GUCY1A2: variants seen among roughly 807,000 people sequenced by gnomAD.
GUCY1A2 encodes the protein guanylate cyclase 1 soluble subunit alpha 2.
A neutral mutation model predicts 63.5 loss-of-function variants in GUCY1A2; 27 were observed. The ratio of observed to expected loss-of-function variants is 0.43; its 90% CI spans 0.31 to 0.59. The LOEUF (loss-of-function observed/expected upper bound fraction) is 0.59. Among genes scored for constraint, GUCY1A2 ranks in the 20% least tolerant of loss-of-function variants. The pLI, the probability that GUCY1A2 is intolerant of heterozygous loss-of-function variation, is 0.11. For synonymous variants in GUCY1A2, 364 were observed against 343.5 expected (o/e 1.06, Z -0.66); for missense variants, 768 against 913.3 (o/e 0.84, Z 2.05).
chr11:106,702,279 A>G (rs1403482755), intron 7 of GUCY1A2, among the ~76,000 whole-genome samples: 1 of 152,234 alleles, frequency 6.6e-6, no homozygotes, highest in East Asian at 1.9e-4. Flanking sequence ...AGCTTAACCA[A>G]TATTAGATGC....
At chr11:106,755,476 G>C (rs1250093975) in intron 6 of GUCY1A2, among the ~76,000 whole-genome samples, 1 of 151,946 alleles carries the variant, frequency 6.6e-6, no homozygotes, top group African/African-American at 2.4e-5. Context: ...TTTCTCTTGT[G>C]GGTATTTAGT....
At chr11:106,932,315 G>A (rs528915734) in intron 4 of GUCY1A2, among the ~76,000 whole-genome samples, 4 of 152,154 alleles carry the variant, frequency 2.6e-5, no homozygotes, top group Non-Finnish European at 2.9e-5. Flanking sequence ...ATGTAATCAT[G>A]TACAGTGTCC....
chr11:106,814,583 T>G (rs1220887690), intron 4 of GUCY1A2, among the ~76,000 whole-genome samples: 1 of 152,084 alleles, frequency 6.6e-6, no homozygotes, highest in Non-Finnish European at 1.5e-5. Context: ...CCACATGGGC[T>G]GAAAAATCCC....
At chr11:106,919,754 G>T (rs905821932) in intron 4 of GUCY1A2, among the ~76,000 whole-genome samples, 1 of 152,028 alleles carries the variant, frequency 6.6e-6, no homozygotes, top group African/African-American at 2.4e-5. Context: ...ACATATCTGA[G>T]GAAATAAAAG....
intron 4 of GUCY1A2, among the ~76,000 whole-genome samples, chr11:106,918,257 A>T (rs1860394804): frequency 6.9e-6 from 1 of 144,846 alleles, no homozygotes; most frequent in Non-Finnish European, 1.5e-5. Flanking sequence ...CTTGAAAAAA[A>T]ATTGTGGTAA....
At chr11:106,997,807 C>A (rs1158341706) in intron 1 of GUCY1A2, among the ~76,000 whole-genome samples, 4 of 152,168 alleles carry the variant, frequency 2.6e-5, no homozygotes, top group African/African-American at 9.6e-5. Flanking sequence ...GAATCCATGT[C>A]CTGCCTACCT....
chr11:106,973,275 C>T (rs534154058), intron 3 of GUCY1A2, among the ~76,000 whole-genome samples: 3 of 152,140 alleles, frequency 2.0e-5, no homozygotes, highest in South Asian at 2.1e-4. Context: ...AGGCCAGCTA[C>T]GTAGCAAGAT....
chr11:106,767,153 A>G (rs946477392), intron 6 of GUCY1A2, among the ~76,000 whole-genome samples: 1 of 152,118 alleles, frequency 6.6e-6, no homozygotes, highest in Non-Finnish European at 1.5e-5. Context: ...AATACATGAA[A>G]TAGATTATAA....
chr11:106,802,130 G>C (rs776901434), intron 5 of GUCY1A2, among the ~76,000 whole-genome samples: 43 of 152,116 alleles, frequency 2.8e-4, no homozygotes, highest in Non-Finnish European at 3.8e-4. Flanking sequence ...AAAGGTAATA[G>C]AAACACCTCA....
rs766176360 is a variant in GUCY1A2, at chr11:106,681,287, ATCTTCC to A, written c.*6256_*6261del. 8.9e-6 allele frequency: 2 copies of A among 223,904 alleles called. No homozygotes were observed. Among genetic ancestry groups the A allele is most frequent in the Non-Finnish European group, 1.8e-5 (2 of 112,244 alleles). The allele number at this position is 223,904 out of a possible 1,614,324, so 13.9% of individuals were successfully genotyped here. A position where few individuals can be genotyped will look rare whatever the true frequency, so the allele number is the denominator to read the frequency against. ...TGAGCTCTTTTATCTTTACTCTTTCATCTTCCAAGACCATATCAAACCAACATTTGA... is the reference window on the plus strand; with the variant it reads ...TGAGCTCTTTTATCTTTACTCTTTCAAAGACCATATCAAACCAACATTTGA... On this transcript the variant is annotated 3_prime_UTR_variant, in exon 8 of 8. Coordinates refer to ENST00000526355, the MANE Select transcript of GUCY1A2 (RefSeq NM_000855.3).
intron 1 of GUCY1A2, among the ~76,000 whole-genome samples, chr11:106,996,542 T>A (rs532762748): frequency 3.3e-5 from 5 of 152,344 alleles, no homozygotes; most frequent in South Asian, 4.1e-4. Context: ...CCTCAGATAG[T>A]CTGATCAGGT....
chr11:106,880,564 T>C (rs1210791854), intron 4 of GUCY1A2, among the ~76,000 whole-genome samples: 1 of 152,102 alleles, frequency 6.6e-6, no homozygotes, highest in African/African-American at 2.4e-5. Flanking sequence ...ATGGCATATA[T>C]AATCAAGTTG....
intron 4 of GUCY1A2, among the ~76,000 whole-genome samples, chr11:106,855,592 C>G (rs551326452): frequency 6.6e-6 from 1 of 152,214 alleles, no homozygotes; most frequent in Non-Finnish European, 1.5e-5. Context: ...GGTAGCTGCC[C>G]AAACTTATTT....
intron 6 of GUCY1A2, among the ~76,000 whole-genome samples, chr11:106,734,076 C>T (rs1388232309): frequency 1.3e-5 from 2 of 152,056 alleles, no homozygotes; most frequent in Non-Finnish European, 2.9e-5. Flanking sequence ...GTTTGTAAAA[C>T]AGGCAAAGAA....
intron 6 of GUCY1A2, among the ~76,000 whole-genome samples, chr11:106,751,772 T>C (rs1038390900): frequency 8.5e-5 from 13 of 152,186 alleles, no homozygotes; most frequent in African/African-American, 2.9e-4. Context: ...ATTTAGTACC[T>C]TGTATTAAGC....
At chr11:106,755,758 T>A (rs1382299390) in intron 6 of GUCY1A2, among the ~76,000 whole-genome samples, 5 of 152,228 alleles carry the variant, frequency 3.3e-5, no homozygotes, top group Non-Finnish European at 1.5e-5. Flanking sequence ...AGGAGTGTTT[T>A]ACTTCCAGTT....
chr11:106,776,954 A>T (rs1047277864), intron 5 of GUCY1A2, among the ~76,000 whole-genome samples: 2 of 152,188 alleles, frequency 1.3e-5, no homozygotes, highest in Non-Finnish European at 2.9e-5. Flanking sequence ...TTCCTTTGGA[A>T]AGCATTTTTT....
chr11:106,866,914 A>G (rs1859601877), intron 4 of GUCY1A2, among the ~76,000 whole-genome samples: 1 of 152,060 alleles, frequency 6.6e-6, no homozygotes, highest in Non-Finnish European at 1.5e-5. Context: ...ACAAAAAAAA[A>G]TCTATTTTAA....
intron 4 of GUCY1A2, among the ~76,000 whole-genome samples, chr11:106,813,993 A>G (rs763388206): frequency 5.3e-5 from 8 of 152,150 alleles, no homozygotes; most frequent in Non-Finnish European, 7.4e-5. Context: ...AGTAAGGTCA[A>G]CACTCAAACC....
Sources: gnomAD v4.1 joint callset for allele counts (sites outside exome capture counted in the v4.1 genomes callset) on GRCh38, gnomAD v4.1.1 for gene constraint, MANE v1.5 for transcripts, NCBI Gene and HGNC (gene_info 2026-07-23, HGNC 2026-07-21) for gene names.